The following AGAP1 variants were observed in gnomAD, a reference collection of about 807,000 sequenced individuals.
AGAP1 encodes the protein ArfGAP with GTPase domain, ankyrin repeat and PH domain 1.
AGAP1 carries 29 observed loss-of-function variants against 105.3 expected under a neutral mutation model. That is an observed-to-expected ratio of 0.28 (90% CI 0.21 to 0.38). AGAP1 has a LOEUF of 0.38. AGAP1 is among the 10% of genes least tolerant of loss of function. The pLI is 1.00. For synonymous variants in AGAP1, 509 were observed against 485.9 expected (o/e 1.05, Z -0.63); for missense variants, 998 against 1,165.1 (o/e 0.86, Z 2.09).
intron 11 of AGAP1, among the ~76,000 whole-genome samples, chr2:235,923,873 TA>T (rs1397337554): frequency 6.6e-6 from 1 of 152,122 alleles, no homozygotes; most frequent in Non-Finnish European, 1.5e-5. Context: ...AGAGAAATCT[TA>T]AAGGAGGAAA....
chr2:235,546,842 A>G (rs1485220332), intron 1 of AGAP1, among the ~76,000 whole-genome samples: 1 of 152,184 alleles, frequency 6.6e-6, no homozygotes, highest in African/African-American at 2.4e-5. Flanking sequence ...GACTAAATGA[A>G]AAGGTTTTTA....
chr2:235,805,852 C>T (rs1185349850), intron 8 of AGAP1, among the ~76,000 whole-genome samples: 2 of 152,186 alleles, frequency 1.3e-5, no homozygotes, highest in African/African-American at 2.4e-5. Flanking sequence ...CATCCACCAA[C>T]CTAAGGGGGA....
In AGAP1 at chr2:235,787,027, C is replaced by T. The variant is rs1459143922; in HGVS notation, c.674-10732C>T. Among the ~76,000 whole-genome samples, 1 of 152,242 alleles carries T rather than the reference C, an allele frequency of 6.6e-6. No homozygotes were observed. The highest frequency in any genetic ancestry group is 2.4e-5 in the African/African-American group (1 of 41,474). ...GTCGCCCCCCAAATCAGGGTCTTGACACCAGCTCCTGCCACTCTGACACAT... is the reference window on the plus strand; with the variant it reads ...GTCGCCCCCCAAATCAGGGTCTTGATACCAGCTCCTGCCACTCTGACACAT... On this transcript the variant is annotated intron_variant, in intron 6 of 17. Coordinates refer to ENST00000304032, the MANE Select transcript of AGAP1 (RefSeq NM_001037131.3). This position sits in a 1 kb window ranked among gnomAD's most constrained non-coding sequence, Gnocchi z 4.4.
In AGAP1 at chr2:235,893,104, G is replaced by T. The variant is rs1227548192; in HGVS notation, c.1155+9655G>T. Among the ~76,000 whole-genome samples the T allele has an allele frequency of 6.6e-6, 1 of 151,578 alleles. No homozygotes were observed. Among genetic ancestry groups the T allele is most frequent in the Non-Finnish European group, 1.5e-5 (1 of 67,896 alleles). The stretch of plus-strand genomic sequence containing the variant: ...TGTGCTGTGTCTGTGGTGCGGGTGT[G>T]CTGTGTCCTCATAAGGGTGCGCCAT... On this transcript the variant is annotated intron_variant, in intron 10 of 17. Transcript: ENST00000304032. The surrounding 1 kb of genome is among the most constrained non-coding windows in gnomAD (Gnocchi z 4.7).
intron 1 of AGAP1, among the ~76,000 whole-genome samples, chr2:235,581,202 G>A (rs942921137): frequency 1.3e-5 from 2 of 151,292 alleles, no homozygotes; most frequent in African/African-American, 2.4e-5. Context: ...AGCTACTTGG[G>A]AGGCTGAGGC....
intron 1 of AGAP1, among the ~76,000 whole-genome samples, chr2:235,658,392 T>C (rs1052714773): frequency 6.6e-6 from 1 of 152,236 alleles, no homozygotes; most frequent in African/African-American, 2.4e-5. Flanking sequence ...TTTGTACTGC[T>C]CTAATTCTAT....
rs1205351172 is a variant in AGAP1, at chr2:235,610,893, G to T, written c.164-98286G>T. 6.6e-6 allele frequency among the ~76,000 whole-genome samples: 1 copy of T among 151,926 alleles called. No homozygotes were observed. The highest frequency in any genetic ancestry group is 1.5e-5 in the Non-Finnish European group (1 of 68,004). ...CATTCTTGTCCTGTAGCCCAGTTTC[G>T]TTTCACCTGTCCTCTGCCTGTAATC... On this transcript the variant is annotated intron_variant, in intron 1 of 17. Transcript: ENST00000304032. The surrounding 1 kb of genome is among the most constrained non-coding windows in gnomAD (Gnocchi z 4.9).
rs1292703615 is a variant in AGAP1 at position 236,053,834 on chromosome 2, T to C, written c.2114+4553T>C. 2.6e-5 allele frequency among the ~76,000 whole-genome samples: 4 copies of C among 152,264 alleles called. No homozygotes were observed. Among genetic ancestry groups the C allele is most frequent in the African/African-American group, 9.6e-5 (4 of 41,470 alleles). Reference sequence around the variant, plus strand: ...TCTTGAGAGGCGCTTTAAGCGCAACTGAAATCACCCATTACCTCTTTGATG... The same window carrying C: ...TCTTGAGAGGCGCTTTAAGCGCAACCGAAATCACCCATTACCTCTTTGATG... On this transcript the variant is annotated intron_variant, in intron 16 of 17. Coordinates refer to ENST00000304032, the MANE Select transcript of AGAP1 (RefSeq NM_001037131.3). The surrounding 1 kb of genome is among the most constrained non-coding windows in gnomAD (Gnocchi z 4.6).
chr2:235,850,162 C>T (rs1010287688), intron 9 of AGAP1, among the ~76,000 whole-genome samples: 7 of 152,162 alleles, frequency 4.6e-5, no homozygotes, highest in South Asian at 2.1e-4. Flanking sequence ...GGTTAGTAAC[C>T]GGACGACGTT....
rs2056419190 is a variant in AGAP1 at position 236,009,025 on chromosome 2, A to G, written c.1646-27536A>G. Among the ~76,000 whole-genome samples, 1 of 152,122 alleles carries G rather than the reference A, an allele frequency of 6.6e-6. No individual in the cohort carries two copies. The highest frequency in any genetic ancestry group is 1.5e-5 in the Non-Finnish European group (1 of 68,026). On this transcript the variant is annotated intron_variant, in intron 13 of 17. Transcript: ENST00000304032. The surrounding 1 kb of genome is among the most constrained non-coding windows in gnomAD (Gnocchi z 4.2). Reference sequence around the variant, plus strand: ...ATTTGCTTGGCCTCGGGTTTTGTTTAATCCCTTCAAAGGCCCTTTGAACTG... The same window carrying G: ...ATTTGCTTGGCCTCGGGTTTTGTTTGATCCCTTCAAAGGCCCTTTGAACTG...
In AGAP1 at chr2:235,900,421, T is replaced by A; in HGVS notation, c.1156-8317T>A. Among the ~76,000 whole-genome samples the A allele has an allele frequency of 6.6e-6, 1 of 151,730 alleles. No individual in the cohort carries two copies. The highest frequency in any genetic ancestry group is 1.9e-4 in the East Asian group (1 of 5,148). On this transcript the variant is annotated intron_variant, in intron 10 of 17. Transcript: ENST00000304032. The surrounding 1 kb of genome is among the most constrained non-coding windows in gnomAD (Gnocchi z 5.5). ...GTGGCAGCATTTCTCCCTCTGGAAC[T>A]AAGACCCCTAGGCCAGCAGAACGTA...
Position 235,905,298 on chromosome 2 carries a change from A to G in AGAP1, c.1156-3440A>G, listed in dbSNP as rs928605977. ...GTTAAGAATTGGCATTAAGGAAGAA[A>G]GTTATAGCAAGTTGATATTTTTAAA... On this transcript the variant is annotated intron_variant, in intron 10 of 17. Transcript: ENST00000304032. The surrounding 1 kb of genome is among the most constrained non-coding windows in gnomAD (Gnocchi z 4.2). 6.6e-6 allele frequency among the ~76,000 whole-genome samples: 1 copy of G among 152,208 alleles called. No homozygotes were observed. The highest frequency in any genetic ancestry group is 2.4e-5 in the African/African-American group (1 of 41,450).
rs1010558858 is a variant in AGAP1, at chr2:236,126,621, C to A, written c.*2499C>A. The A allele has an allele frequency of 6.6e-6, 1 of 152,124 alleles. No individual in the cohort carries two copies. Among genetic ancestry groups the A allele is most frequent in the African/African-American group, 2.4e-5 (1 of 41,410 alleles). 9.4% of individuals were successfully genotyped at this position (152,124 alleles called of 1,614,324 possible). A position where few individuals can be genotyped will look rare whatever the true frequency, so the allele number is the denominator to read the frequency against. ...GATTGGTTTTTTCCCTTCCTGGCCCCCAGCACAAGCTGCCATGACTCCCCC... is the reference window on the plus strand; with the variant it reads ...GATTGGTTTTTTCCCTTCCTGGCCCACAGCACAAGCTGCCATGACTCCCCC... On this transcript the variant is annotated 3_prime_UTR_variant, in exon 18 of 18. Coordinates refer to ENST00000304032, the MANE Select transcript of AGAP1 (RefSeq NM_001037131.3).
intron 13 of AGAP1, among the ~76,000 whole-genome samples, chr2:236,011,597 A>C (rs1436673632): frequency 6.6e-6 from 1 of 152,208 alleles, no homozygotes; most frequent in Non-Finnish European, 1.5e-5. Context: ...CTTTTTGTTT[A>C]ATAACAGGTG....
intron 6 of AGAP1, among the ~76,000 whole-genome samples, chr2:235,784,672 C>CA (rs1317160178): frequency 3.1e-4 from 46 of 149,312 alleles, no homozygotes; most frequent in African/African-American, 9.4e-4. Flanking sequence ...ATGGCCTATG[C>CA]AAAAAAAATT....
In AGAP1 at chr2:235,836,827, A is replaced by G. The variant is rs551522748; in HGVS notation, c.1050+29496A>G. Among the ~76,000 whole-genome samples, 3 of 152,348 alleles carry G rather than the reference A, an allele frequency of 2.0e-5. No homozygotes were observed. In the South Asian group the frequency reaches 6.2e-4, roughly 32 times the overall value. ...GATAGAGAACTATGACCCAGGCCAGAGCCACAGGGGCACAGACAGAACAGG... is the reference window on the plus strand; with the variant it reads ...GATAGAGAACTATGACCCAGGCCAGGGCCACAGGGGCACAGACAGAACAGG... On this transcript the variant is annotated intron_variant, in intron 9 of 17. Coordinates refer to ENST00000304032, the MANE Select transcript of AGAP1 (RefSeq NM_001037131.3).
In AGAP1 at chr2:235,704,044, C is replaced by T. The variant is rs116356456; in HGVS notation, c.164-5135C>T. ...AAGTTAACCGAGGTCACTGTCAAACCCATGGCTCCTGGCTCCCTGACCCCT... is the reference window on the plus strand; with the variant it reads ...AAGTTAACCGAGGTCACTGTCAAACTCATGGCTCCTGGCTCCCTGACCCCT... On this transcript the variant is annotated intron_variant, in intron 1 of 17. Coordinates refer to ENST00000304032, the MANE Select transcript of AGAP1 (RefSeq NM_001037131.3). 7.9e-3 allele frequency among the ~76,000 whole-genome samples: 1,201 copies of T among 152,316 alleles called. 5 individuals are homozygous for T. The highest frequency in any genetic ancestry group is 0.014 in the Middle Eastern group (4 of 294).
chr2:236,016,426 A>G (rs906948348), intron 13 of AGAP1, among the ~76,000 whole-genome samples: 3 of 141,304 alleles, frequency 2.1e-5, no homozygotes, highest in African/African-American at 8.1e-5. Context: ...TGTCGCAACA[A>G]ATTTGTTTAT....
rs913907052 is a variant in AGAP1 at position 236,096,858 on chromosome 2, G to A, written c.2115-23334G>A. ...GCCTCCCAAAGTGCTGGGATTACAG[G>A]CGTGAGCCACCCTGCCGGGCCAAAT... On this transcript the variant is annotated intron_variant, in intron 16 of 17. Coordinates refer to ENST00000304032, the MANE Select transcript of AGAP1 (RefSeq NM_001037131.3). This position sits in a 1 kb window ranked among gnomAD's most constrained non-coding sequence, Gnocchi z 4.4. Among the ~76,000 whole-genome samples the A allele has an allele frequency of 6.6e-6, 1 of 152,122 alleles. No homozygotes were observed. Among genetic ancestry groups the A allele is most frequent in the East Asian group, 1.9e-4 (1 of 5,164 alleles).
Sources: gnomAD v4.1 joint callset for allele counts (sites outside exome capture counted in the v4.1 genomes callset) on GRCh38, gnomAD v4.1.1 for gene constraint, Gnocchi (gnomAD v3.1) non-coding constraint, MANE v1.5 for transcripts, NCBI Gene and HGNC (gene_info 2026-07-23, HGNC 2026-07-21) for gene names.